The following ANKRD11 variants were observed in gnomAD, a reference collection of about 807,000 sequenced individuals.
ANKRD11 encodes the protein ankyrin repeat domain 11.
ANKRD11 carries 17 observed loss-of-function variants against 195.7 expected under a neutral mutation model. That is an observed-to-expected ratio of 0.09 (90% CI 0.06 to 0.13). The LOEUF is 0.13. Ranked by LOEUF, ANKRD11 falls within the 10% of genes least tolerant of loss-of-function variation. The pLI is 1.00. For missense variants in ANKRD11, 3,735 were observed against 3,566.1 expected (o/e 1.05, Z -1.21); for synonymous variants, 1,953 against 1,528.1 (o/e 1.28, Z -6.49).
intron 1 of ANKRD11, among the ~76,000 whole-genome samples, chr16:89,430,566 ACT>A (rs1393678037): frequency 6.6e-6 from 1 of 151,892 alleles, no homozygotes; most frequent in Non-Finnish European, 1.5e-5. Flanking sequence ...GGGATTCTCA[ACT>A]CTCACGCTCA....
intron 1 of ANKRD11, among the ~76,000 whole-genome samples, chr16:89,434,752 G>A (rs1382292535): frequency 6.6e-6 from 1 of 152,246 alleles, no homozygotes; most frequent in East Asian, 1.9e-4. Context: ...CTTCTAGTTT[G>A]TAGTGGCCTC....
chr16:89,363,803 A>C (rs75253808), intron 2 of ANKRD11, among the ~76,000 whole-genome samples: 3,198 of 152,260 alleles, frequency 0.021, 126 homozygotes, highest in African/African-American at 0.074. Flanking sequence ...TGCCTGGAGC[A>C]CAGCACTTCA....
intron 2 of ANKRD11, among the ~76,000 whole-genome samples, chr16:89,365,664 T>G (rs1002053121): frequency 7.9e-5 from 12 of 152,210 alleles, no homozygotes; most frequent in Non-Finnish European, 1.8e-4. Context: ...TTTACCGCAA[T>G]TCTTCCTGGG....
chr16:89,400,885 C>T (rs533037140), intron 2 of ANKRD11, among the ~76,000 whole-genome samples: 34 of 152,236 alleles, frequency 2.2e-4, no homozygotes, highest in African/African-American at 6.0e-4. Context: ...ACACCTTGGA[C>T]GCCTGTCGCC....
intron 2 of ANKRD11, among the ~76,000 whole-genome samples, chr16:89,364,296 G>C (rs2039857194): frequency 1.3e-5 from 2 of 152,136 alleles, no homozygotes; most frequent in Admixed American, 6.5e-5. Flanking sequence ...AGTGATCCCA[G>C]GTATGACCAG....
At chr16:89,292,746 T>C (rs1191826718) in intron 4 of ANKRD11, among the ~76,000 whole-genome samples, 2 of 152,212 alleles carry the variant, frequency 1.3e-5, no homozygotes, top group Admixed American at 6.5e-5. Context: ...AACACGGTGG[T>C]TGGGGAGGCA....
chr16:89,328,370 T>A (rs1340265936), intron 2 of ANKRD11, among the ~76,000 whole-genome samples: 2 of 152,208 alleles, frequency 1.3e-5, no homozygotes, highest in Non-Finnish European at 2.9e-5. Context: ...TGGAACCTCA[T>A]GTGAACACAA....
intron 1 of ANKRD11, among the ~76,000 whole-genome samples, chr16:89,466,120 C>A (rs1171346429): frequency 6.6e-6 from 1 of 152,196 alleles, no homozygotes; most frequent in Non-Finnish European, 1.5e-5. Context: ...GCAGAACCTG[C>A]TGCACTGGCC....
intron 1 of ANKRD11, among the ~76,000 whole-genome samples, chr16:89,428,980 T>C (rs183579288): frequency 8.7e-4 from 132 of 152,308 alleles, no homozygotes; most frequent in African/African-American, 3.1e-3. Flanking sequence ...CCACAATGAT[T>C]TGTACAGCCC....
rs1567633706 is a variant in ANKRD11 at position 89,316,923 on chromosome 16, G to T, written c.87+10C>A. The T allele has an allele frequency of 6.2e-7, 1 of 1,612,336 alleles. No individual in the cohort carries two copies. Among genetic ancestry groups the T allele is most frequent in the Non-Finnish European group, 8.5e-7 (1 of 1,179,404 alleles). On this transcript the variant is annotated intron_variant, in intron 3 of 12. Transcript: ENST00000301030. Reference sequence around the variant, plus strand: ...GGTGAGCATGCAGGGCTGGGAGGGGGCAGCATTACCTTTTTCCCAGTCTGC... The same window carrying T: ...GGTGAGCATGCAGGGCTGGGAGGGGTCAGCATTACCTTTTTCCCAGTCTGC...
intron 1 of ANKRD11, among the ~76,000 whole-genome samples, chr16:89,449,047 T>C (rs983349566): frequency 8.5e-5 from 13 of 152,168 alleles, no homozygotes; most frequent in South Asian, 4.1e-4. Flanking sequence ...AATGCAAGAA[T>C]AGAAACACAG....
rs757992380 is a variant in ANKRD11 at position 89,285,354 on chromosome 16, C to T, written c.1188G>A (p.Thr396=). 32 of 1,613,872 alleles carry T rather than the reference C, an allele frequency of 2.0e-5. No individual in the cohort carries two copies. The highest frequency in any genetic ancestry group is 2.5e-5 in the Non-Finnish European group (30 of 1,180,028). The part of the protein sequence containing the change: ...MEVKSYTKNN[T]IAPKKASHRI... The stretch of plus-strand genomic sequence containing the variant: ...GATGGGACGCTTTCTTTGGTGCAAT[C>T]GTGTTATTTTTAGTGTAACTTTTAA... Residue 396 remains threonine, a synonymous_variant, in exon 9 of 13, where the codon ACG becomes ACA. Coordinates refer to ENST00000301030, the MANE Select transcript of ANKRD11 (RefSeq NM_013275.6). This position sits in a 1 kb window ranked among gnomAD's most constrained non-coding sequence, Gnocchi z 5.6.
chr16:89,466,464 C>G (rs1044583926), intron 1 of ANKRD11, among the ~76,000 whole-genome samples: 3 of 152,180 alleles, frequency 2.0e-5, no homozygotes, highest in South Asian at 2.1e-4. Flanking sequence ...AAACTGTGAG[C>G]TGTAAATGGT....
At position 89,385,073 on chromosome 16, in the gene ANKRD11, A is replaced by G. The variant is rs377018487; in HGVS notation, c.-60+33211T>C. On this transcript the variant is annotated intron_variant, in intron 2 of 12. Transcript: ENST00000301030. ...GCTAATTTTTGTATTTTTAGTAGAG[A>G]CGATATTTCACCATGTTGGCCAGGC... is the stretch of plus-strand genomic sequence containing the variant. Among the ~76,000 whole-genome samples the G allele has an allele frequency of 7.9e-5, 12 of 151,286 alleles. No homozygotes were observed. The East Asian group carries it at 2.3e-3, about 29-fold the overall frequency.
At chr16:89,296,306 T>C (rs1485514298) in intron 4 of ANKRD11, among the ~76,000 whole-genome samples, 3 of 152,146 alleles carry the variant, frequency 2.0e-5, no homozygotes, top group African/African-American at 7.2e-5. Context: ...GCTGCCGGCC[T>C]CTGGAGCCAC....
chr16:89,406,164 G>T (rs2041899074), intron 2 of ANKRD11, among the ~76,000 whole-genome samples: 1 of 151,198 alleles, frequency 6.6e-6, no homozygotes, highest in Admixed American at 6.6e-5. Context: ...TCCTAAGTCT[G>T]GTTATGCCCT....
At position 89,324,384 on chromosome 16, in the gene ANKRD11, A is replaced by G. The variant is rs757944442; in HGVS notation, c.-59-7306T>C. On this transcript the variant is annotated intron_variant, in intron 2 of 12. Transcript: ENST00000301030. Reference sequence around the variant, plus strand: ...AGCCAGGAGGGCGGCACGTGGGCGCAAAGTTCTCAGCTTCGTTAGTCATCA... The same window carrying G: ...AGCCAGGAGGGCGGCACGTGGGCGCGAAGTTCTCAGCTTCGTTAGTCATCA... 24 of 656,734 alleles carry G rather than the reference A, an allele frequency of 3.7e-5. No individual in the cohort carries two copies. The East Asian group carries it at 1.4e-3, about 39-fold the overall frequency. The allele number at this position is 656,734 out of a possible 1,614,324, so 40.7% of individuals were successfully genotyped here. A position where few individuals can be genotyped will look rare whatever the true frequency, so the allele number is the denominator to read the frequency against.
In ANKRD11 at chr16:89,290,638, G is replaced by C. The variant is rs1264104251; in HGVS notation, c.588C>G (p.Val196=). The part of the protein sequence containing the change: ...ELISEGADVN[V]KDFAGWTALH... ...CAGGGTGCCCACCTGCGAAGTCCTT[G>C]ACGTTGACGTCTGCCCCCTCGCTGA... The change falls in exon 6 of 13, where the codon GTC becomes GTG. Residue 196 remains valine (V), a synonymous_variant. Coordinates refer to ENST00000301030, the MANE Select transcript of ANKRD11 (RefSeq NM_013275.6). 2 of 1,612,996 alleles carry C rather than the reference G, an allele frequency of 1.2e-6. No homozygotes were observed. The highest frequency in any genetic ancestry group is 1.7e-5 in the Admixed American group (1 of 60,012).
rs1356781316 is a variant in ANKRD11, at chr16:89,282,885, G to T, written c.3657C>A (p.Asp1219Glu). Residue 1219 changes from aspartate to glutamate, a missense_variant, in exon 9 of 13, where the codon GAC becomes GAA. Asp to Glu is a conservative substitution (Grantham distance 45, BLOSUM62 2). Coordinates refer to ENST00000301030, the MANE Select transcript of ANKRD11 (RefSeq NM_013275.6). ...KDKESTEKYK[D>E]RKDRASVDST... is the part of the protein sequence containing the mutation. ...AGTCCACTGAGGCTCTGTCCTTCCT[G>T]TCCTTGTACTTTTCTGTGGACTCTT... The T allele has an allele frequency of 1.9e-6, 3 of 1,612,606 alleles. No homozygotes were observed. In the African/African-American group the frequency reaches 4.0e-5, roughly 22 times the overall value.
Sources: gnomAD v4.1 joint callset for allele counts (sites outside exome capture counted in the v4.1 genomes callset) on GRCh38, gnomAD v4.1.1 for gene constraint, Gnocchi (gnomAD v3.1) non-coding constraint, MANE v1.5 for transcripts, NCBI Gene and HGNC (gene_info 2026-07-23, HGNC 2026-07-21) for gene names.